Variants in CAST observed in about 807,000 individuals in gnomAD.
The protein encoded by CAST is calpastatin, also known as MIR583 host.
A neutral mutation model predicts 119.6 loss-of-function variants in CAST; 76 were observed. The observed-to-expected ratio is 0.64, with a 90% confidence interval of 0.53 to 0.77. CAST has a LOEUF of 0.77. Among genes scored for constraint, CAST ranks in the 30% least tolerant of loss-of-function variants. CAST has a pLI of 0.00. For missense variants in CAST, 953 were observed against 946.5 expected, an observed-to-expected ratio of 1.01 and a Z score of -0.09; for synonymous variants, 319 against 331.6, an observed-to-expected ratio of 0.96 and a Z score of 0.41.
chr5:96,383,404 G>A, the CAST span, among the ~76,000 whole-genome samples: 1 of 152,094 alleles, frequency 6.6e-6, no homozygotes, highest in African/African-American at 2.4e-5. Flanking sequence ...ACAGGTTAGG[G>A]ACAAATTGCC....
the CAST span, among the ~76,000 whole-genome samples, chr5:96,465,953 T>C: frequency 6.6e-6 from 1 of 152,122 alleles, no homozygotes; most frequent in East Asian, 1.9e-4. Flanking sequence ...AGTTTATAAC[T>C]GATACCTCCA....
At chr5:96,169,583 C>A in the CAST span, among the ~76,000 whole-genome samples, 1 of 151,944 alleles carries the variant, frequency 6.6e-6, no homozygotes, top group South Asian at 2.1e-4. Flanking sequence ...CTGTAGCAGG[C>A]GAGTGATAAC....
At chr5:96,155,218 A>G in the CAST span, among the ~76,000 whole-genome samples, 2 of 152,216 alleles carry the variant, frequency 1.3e-5, no homozygotes, top group African/African-American at 4.8e-5. Context: ...CGCTGGTGAC[A>G]GAAGAGACTG....
intron 1 of CAST, among the ~76,000 whole-genome samples, chr5:96,618,726 G>A (rs1747525969): frequency 6.6e-6 from 1 of 152,190 alleles, no homozygotes; most frequent in African/African-American, 2.4e-5. Flanking sequence ...TCGCATTCTT[G>A]CCGGGCCTCA....
At chr5:96,706,940 G>C (rs978654908) in intron 3 of CAST, among the ~76,000 whole-genome samples, 1 of 152,162 alleles carries the variant, frequency 6.6e-6, no homozygotes, top group Non-Finnish European at 1.5e-5. Context: ...AGCTGATTGG[G>C]TGTGTGTTGT....
At chr5:96,166,507 C>T in the CAST span, among the ~76,000 whole-genome samples, 6 of 152,066 alleles carry the variant, frequency 3.9e-5, no homozygotes, top group African/African-American at 1.4e-4. Flanking sequence ...TACAGAAACA[C>T]CATCCAGGGA....
At chr5:96,569,242 G>A (rs894700652) in intron 1 of CAST, among the ~76,000 whole-genome samples, 2 of 152,176 alleles carry the variant, frequency 1.3e-5, no homozygotes, top group Admixed American at 6.5e-5. Flanking sequence ...TCCCACTCAT[G>A]GGTCTGCTTC....
At chr5:96,144,491 T>G in the CAST span, among the ~76,000 whole-genome samples, 4 of 152,346 alleles carry the variant, frequency 2.6e-5, no homozygotes, top group Non-Finnish European at 4.4e-5. Flanking sequence ...CTAAGGTTTG[T>G]ATCCCAATTG....
the CAST span, among the ~76,000 whole-genome samples, chr5:96,311,740 T>TC: frequency 6.6e-5 from 10 of 151,126 alleles, no homozygotes; most frequent in Non-Finnish European, 1.3e-4. Flanking sequence ...ACAAAAATTC[T>TC]TTTTTTTTCT....
the CAST span, among the ~76,000 whole-genome samples, chr5:96,046,082 G>C: frequency 6.6e-6 from 1 of 152,124 alleles, no homozygotes; most frequent in African/African-American, 2.4e-5. Flanking sequence ...AGTCCCTGAG[G>C]TACGTTTAGT....
At chr5:96,446,647 A>G in the CAST span, among the ~76,000 whole-genome samples, 21,789 of 152,246 alleles carry the variant, frequency 0.14, 1,820 homozygotes, top group East Asian at 0.27. Flanking sequence ...ATGGAAATCT[A>G]TAAAGTCAAG....
At chr5:96,469,879 A>ATATATGTGTGTGT in the CAST span, among the ~76,000 whole-genome samples, 1 of 107,420 alleles carries the variant, frequency 9.3e-6, no homozygotes, top group African/African-American at 3.0e-5. Context: ...ATATATATAT[A>ATATATGTGTGTGT]ATATATATAT....
chr5:96,629,559 A>T (rs1478258144), intron 1 of CAST, among the ~76,000 whole-genome samples: 3 of 152,258 alleles, frequency 2.0e-5, no homozygotes, highest in African/African-American at 2.4e-5. Flanking sequence ...CTTGCTAAAA[A>T]GTATGGGTTG....
chr5:96,448,755 ACAT>A, the CAST span, among the ~76,000 whole-genome samples: 1 of 152,092 alleles, frequency 6.6e-6, no homozygotes, highest in African/African-American at 2.4e-5. Flanking sequence ...TGGACCATAA[ACAT>A]CATATCACTG....
the CAST span, among the ~76,000 whole-genome samples, chr5:96,201,326 A>G: frequency 6.6e-6 from 1 of 152,178 alleles, no homozygotes; most frequent in Non-Finnish European, 1.5e-5. Context: ...TAATGAGTTT[A>G]GAGAATAAAT....
chr5:96,145,373 C>A, the CAST span, among the ~76,000 whole-genome samples: 2 of 152,164 alleles, frequency 1.3e-5, no homozygotes, highest in Non-Finnish European at 2.9e-5. Flanking sequence ...TATTGAAATT[C>A]TCTGACGAGA....
At chr5:96,651,802 G>A (rs1748098116) in intron 1 of CAST, among the ~76,000 whole-genome samples, 1 of 152,186 alleles carries the variant, frequency 6.6e-6, no homozygotes, top group African/African-American at 2.4e-5. Context: ...GATATATCAT[G>A]TTTGTAATTG....
intron 2 of CAST, among the ~76,000 whole-genome samples, chr5:96,684,078 C>T (rs1455104174): frequency 6.6e-6 from 1 of 152,118 alleles, no homozygotes; most frequent in African/African-American, 2.4e-5. Flanking sequence ...GGTCCAATGC[C>T]TGGATTTAAT....
the CAST span, among the ~76,000 whole-genome samples, chr5:96,167,671 A>G: frequency 6.6e-6 from 1 of 152,188 alleles, no homozygotes; most frequent in East Asian, 1.9e-4. Flanking sequence ...CAGACTGTAT[A>G]GAGGTGGGAA....
Sources: gnomAD v4.1 joint callset for allele counts (sites outside exome capture counted in the v4.1 genomes callset) on GRCh38, gnomAD v4.1.1 for gene constraint, MANE v1.5 for transcripts, NCBI Gene and HGNC (gene_info 2026-07-23, HGNC 2026-07-21) for gene names.